Variants in KCNQ5 observed in about 807,000 individuals in gnomAD.
The protein encoded by KCNQ5 is potassium voltage-gated channel subfamily KQT member 5.
A neutral mutation model predicts 98.2 loss-of-function variants in KCNQ5; 30 were observed. That is an observed-to-expected ratio of 0.31 (90% CI 0.23 to 0.41). KCNQ5 has a LOEUF of 0.41. KCNQ5 is among the 10% of genes least tolerant of loss of function. The pLI is 1.00. For synonymous variants in KCNQ5, 458 were observed against 449.4 expected (o/e 1.02, Z -0.24); for missense variants, 835 against 1,182.5 (o/e 0.71, Z 4.31).
intron 1 of KCNQ5, among the ~76,000 whole-genome samples, chr6:72,844,730 T>A (rs1451203355): frequency 1.3e-5 from 2 of 152,154 alleles, no homozygotes; most frequent in Admixed American, 1.3e-4. Flanking sequence ...TGTAAAGTAA[T>A]CAGTCCTATA....
At chr6:73,047,267 A>G (rs1772008951) in intron 3 of KCNQ5, among the ~76,000 whole-genome samples, 1 of 152,218 alleles carries the variant, frequency 6.6e-6, no homozygotes, top group African/African-American at 2.4e-5. Context: ...ATCAGCCTTA[A>G]TTATATCAAC....
intron 1 of KCNQ5, among the ~76,000 whole-genome samples, chr6:72,697,284 T>C (rs1195051962): frequency 6.6e-6 from 1 of 152,160 alleles, no homozygotes; most frequent in East Asian, 1.9e-4. Context: ...TTACCAATTA[T>C]GCACTTCTGG....
At chr6:73,094,479 T>C (rs1332884035) in intron 5 of KCNQ5, among the ~76,000 whole-genome samples, 1 of 152,130 alleles carries the variant, frequency 6.6e-6, no homozygotes, top group East Asian at 1.9e-4. Context: ...TTGTTTTTTG[T>C]TTTTGTTTTT....
chr6:73,082,952 G>A (rs1773840193), intron 5 of KCNQ5, among the ~76,000 whole-genome samples: 1 of 144,114 alleles, frequency 6.9e-6, no homozygotes, highest in Non-Finnish European at 1.5e-5. Flanking sequence ...GTGCATTGGT[G>A]CATTTATAGC....
intron 7 of KCNQ5, among the ~76,000 whole-genome samples, chr6:73,118,811 AG>A (rs1386841783): frequency 6.6e-6 from 1 of 152,172 alleles, no homozygotes. Context: ...ACCTGAGGTG[AG>A]GAGTTCAAGA....
At chr6:72,759,122 T>C (rs1772123945) in intron 1 of KCNQ5, among the ~76,000 whole-genome samples, 1 of 152,288 alleles carries the variant, frequency 6.6e-6, no homozygotes, top group Admixed American at 6.5e-5. Context: ...TGAAGCTGCC[T>C]GTCTATCACA....
chr6:73,035,003 A>G lies in KCNQ5; in HGVS notation c.490-6933A>G, dbSNP rs569675756. On this transcript the variant is annotated intron_variant, in intron 2 of 13. Transcript: ENST00000370398. ...TGGGACTACAGGCGCCCGCCACCACACCCAGCTAATTTTTTGTATTTTTAG... is the reference window on the plus strand; with the variant it reads ...TGGGACTACAGGCGCCCGCCACCACGCCCAGCTAATTTTTTGTATTTTTAG... Among the ~76,000 whole-genome samples the G allele has an allele frequency of 9.3e-4, 134 of 144,738 alleles. 1 individual carries two copies. Among genetic ancestry groups the G allele is most frequent in the South Asian group, 7.5e-3 (34 of 4,518 alleles). The allele number at this position is 144,738 out of a possible 152,430, so 95.0% of individuals were successfully genotyped here.
At chr6:72,996,664 G>T (rs1418050762) in intron 1 of KCNQ5, among the ~76,000 whole-genome samples, 1 of 152,192 alleles carries the variant, frequency 6.6e-6, no homozygotes, top group African/African-American at 2.4e-5. Context: ...TAGCTGGGCA[G>T]TATCCAGTTT....
At chr6:73,095,080 A>G (rs1172212515) in intron 5 of KCNQ5, among the ~76,000 whole-genome samples, 1 of 152,186 alleles carries the variant, frequency 6.6e-6, no homozygotes, top group Admixed American at 6.5e-5. Flanking sequence ...TTGGTCATCT[A>G]ACATAATCCC....
intron 1 of KCNQ5, among the ~76,000 whole-genome samples, chr6:72,679,105 G>T (rs1409862937): frequency 1.3e-5 from 2 of 152,136 alleles, no homozygotes; most frequent in Admixed American, 6.5e-5. Flanking sequence ...GAGAATGTTT[G>T]TTTTGGGAAA....
intron 1 of KCNQ5, among the ~76,000 whole-genome samples, chr6:72,938,637 G>A (rs184529972): frequency 3.9e-5 from 6 of 152,082 alleles, no homozygotes; most frequent in Non-Finnish European, 2.9e-5. Context: ...TCCCTGCCTT[G>A]GCCTCCCGAA....
chr6:72,753,670 T>A (rs1771803752), intron 1 of KCNQ5, among the ~76,000 whole-genome samples: 1 of 152,144 alleles, frequency 6.6e-6, no homozygotes, highest in East Asian at 1.9e-4. Context: ...CTAATTTGCA[T>A]TTTTGTAATA....
At chr6:72,977,251 A>T (rs1459859504) in intron 1 of KCNQ5, among the ~76,000 whole-genome samples, 1 of 152,200 alleles carries the variant, frequency 6.6e-6, no homozygotes, top group African/African-American at 2.4e-5. Context: ...GGACACAAAG[A>T]GTATGAGCTT....
At chr6:72,915,049 C>G (rs1780078223) in intron 1 of KCNQ5, among the ~76,000 whole-genome samples, 1 of 151,906 alleles carries the variant, frequency 6.6e-6, no homozygotes, top group South Asian at 2.1e-4. Context: ...ATACAAGAAC[C>G]AGAACATAGA....
chr6:73,168,895 A>T (rs1197938145), intron 10 of KCNQ5, among the ~76,000 whole-genome samples: 1 of 152,140 alleles, frequency 6.6e-6, no homozygotes, highest in Admixed American at 6.5e-5. Context: ...TTAACAATAT[A>T]CTGTGACACT....
At chr6:72,667,340 A>G (rs1283084054) in intron 1 of KCNQ5, among the ~76,000 whole-genome samples, 1 of 152,116 alleles carries the variant, frequency 6.6e-6, no homozygotes. Context: ...TGTGTTGATC[A>G]CTCAGATTCG....
chr6:72,680,258 G>A (rs1438998929), intron 1 of KCNQ5, among the ~76,000 whole-genome samples: 9 of 152,072 alleles, frequency 5.9e-5, no homozygotes, highest in Admixed American at 4.6e-4. Context: ...GCCTATTCTG[G>A]ACATTTGGTA....
At chr6:73,063,709 T>TAGATAGAC (rs1772912423) in intron 3 of KCNQ5, among the ~76,000 whole-genome samples, 1 of 122,060 alleles carries the variant, frequency 8.2e-6, no homozygotes, top group Non-Finnish European at 1.8e-5. Flanking sequence ...GATAGATAGA[T>TAGATAGAC]AGATAGATAG....
At chr6:73,124,987 A>G (rs1394298981) in intron 9 of KCNQ5, among the ~76,000 whole-genome samples, 1 of 6,590 alleles carries the variant, frequency 1.5e-4, no homozygotes, top group African/African-American at 3.2e-4. Flanking sequence ...ATATACACAC[A>G]CACACATATA....
Sources: gnomAD v4.1 joint callset for allele counts (sites outside exome capture counted in the v4.1 genomes callset) on GRCh38, gnomAD v4.1.1 for gene constraint, MANE v1.5 for transcripts, NCBI Gene and HGNC (gene_info 2026-07-23, HGNC 2026-07-21) for gene names.